The following NUDCD3 variants were observed in gnomAD, a reference collection of about 807,000 sequenced individuals.
NUDCD3 encodes the protein NudC domain containing 3.
NUDCD3 carries 13 observed loss-of-function variants against 39.7 expected under a neutral mutation model. The observed-to-expected ratio is 0.33, with a 90% CI of 0.21 to 0.52. The LOEUF is 0.52. Ranked by LOEUF, NUDCD3 falls within the 20% of genes least tolerant of loss-of-function variation. NUDCD3 has a pLI of 0.96. For missense variants in NUDCD3, 453 were observed against 458.1 expected, an observed-to-expected ratio of 0.99 and a Z score of 0.10; for synonymous variants, 175 against 172.4, an observed-to-expected ratio of 1.02 and a Z score of -0.12.
intron 2 of NUDCD3, among the ~76,000 whole-genome samples, chr7:44,450,199 A>C (rs1799768189): frequency 6.6e-6 from 1 of 150,390 alleles, no homozygotes; most frequent in African/African-American, 2.4e-5. Flanking sequence ...TTTTTTTGAC[A>C]CAGAGTCTCG....
intron 3 of NUDCD3, among the ~76,000 whole-genome samples, chr7:44,412,693 C>T (rs1798950569): frequency 6.6e-6 from 1 of 151,556 alleles, no homozygotes; most frequent in Non-Finnish European, 1.5e-5. Flanking sequence ...TTTGGGAGGC[C>T]GAGGCAGGTG....
At chr7:44,467,913 C>T (rs1451313773) in intron 2 of NUDCD3, 1 of 1,606,508 alleles carries the variant, frequency 6.2e-7, no homozygotes, top group Non-Finnish European at 8.5e-7. Flanking sequence ...GCCCTCAGAC[C>T]CCTTGTGAAG....
At chr7:44,430,542 TAAATA>T (rs1299938935) in intron 2 of NUDCD3, among the ~76,000 whole-genome samples, 12 of 148,606 alleles carry the variant, frequency 8.1e-5, no homozygotes, top group Admixed American at 2.7e-4. Context: ...TGAAAATATA[TAAATA>T]AAATACCCAC....
At chr7:44,401,554 G>A (rs1404690331) in intron 4 of NUDCD3, among the ~76,000 whole-genome samples, 2 of 152,154 alleles carry the variant, frequency 1.3e-5, no homozygotes, top group East Asian at 1.9e-4. Flanking sequence ...TTTCTCACAG[G>A]TGAAGGTGCA....
Position 44,485,227 on chromosome 7 carries a change from G to A in NUDCD3, c.250C>T (p.Leu84Phe), listed in dbSNP as rs767890675. 29 of 1,613,976 alleles carry A rather than the reference G, an allele frequency of 1.8e-5. No homozygotes were observed. Among genetic ancestry groups the A allele is most frequent in the Non-Finnish European group, 2.4e-5 (28 of 1,180,012 alleles). ...TCCTTTCTTCTGATTTTCTCTTCAAGTTCCTGCCTTCTCTTCTCATCATCC... is the reference window on the plus strand; with the variant it reads ...TCCTTTCTTCTGATTTTCTCTTCAAATTCCTGCCTTCTCTTCTCATCATCC... ...RQDDEKRRQE[L>F]EEKIRRKEEE... is the part of the protein sequence containing the mutation. The change falls in exon 2 of 6, where the codon CTT becomes TTT. Residue 84 changes from leucine (L) to phenylalanine (F), a missense_variant. Leu to Phe is a conservative substitution (Grantham distance 22). Transcript: ENST00000355451.
intron 2 of NUDCD3, among the ~76,000 whole-genome samples, chr7:44,475,594 A>G (rs1193700811): frequency 6.6e-6 from 1 of 152,016 alleles, no homozygotes; most frequent in Non-Finnish European, 1.5e-5. Context: ...TCGTCTCTAC[A>G]AAAAATTTTT....
chr7:44,384,738 C>G lies in NUDCD3; in HGVS notation c.*1273G>C, dbSNP rs1301021524. The G allele has an allele frequency of 6.6e-6, 1 of 152,246 alleles. No homozygotes were observed. The highest frequency in any genetic ancestry group is 2.4e-5 in the African/African-American group (1 of 41,430). The allele number at this position is 152,246 out of a possible 1,614,324, so 9.4% of individuals were successfully genotyped here. On this transcript the variant is annotated 3_prime_UTR_variant, in exon 6 of 6. Coordinates refer to ENST00000355451, the MANE Select transcript of NUDCD3 (RefSeq NM_015332.4). ...CCCTGCTGTGTGGCTTATCCATGCT[C>G]TGAGCTTGACAGACAGGCAAATGGA... is the stretch of plus-strand genomic sequence containing the variant.
At chr7:44,416,812 G>C (rs975238044) in intron 3 of NUDCD3, among the ~76,000 whole-genome samples, 2 of 152,186 alleles carry the variant, frequency 1.3e-5, no homozygotes, top group Non-Finnish European at 2.9e-5. Context: ...AGGTGAGAGA[G>C]AGCACTAGCT....
chr7:44,428,863 C>G (rs1799293209), intron 2 of NUDCD3, among the ~76,000 whole-genome samples: 1 of 152,160 alleles, frequency 6.6e-6, no homozygotes, highest in Non-Finnish European at 1.5e-5. Context: ...AACATTCCAA[C>G]AGTAGGTGCA....
chr7:44,430,554 C>CACACA lies in NUDCD3; in HGVS notation c.510-2852_510-2851insTGTGT, dbSNP rs759005189. On this transcript the variant is annotated intron_variant, in intron 2 of 5. Transcript: ENST00000355451. The stretch of plus-strand genomic sequence containing the variant: ...TTGTGAAAATATATAAATAAAATAC[C>CACACA]CACACACACACACACTCACACACAC... 3.8e-3 allele frequency among the ~76,000 whole-genome samples: 541 copies of CACACA among 140,848 alleles called. 3 individuals are homozygous for CACACA. The highest frequency in any genetic ancestry group is 0.013 in the African/African-American group (476 of 35,912). 92.4% of individuals were successfully genotyped at this position (140,848 alleles called of 152,430 possible).
chr7:44,406,866 G>A (rs1464025075), intron 3 of NUDCD3, among the ~76,000 whole-genome samples: 1 of 152,142 alleles, frequency 6.6e-6, no homozygotes, highest in Non-Finnish European at 1.5e-5. Context: ...AATCCTATAG[G>A]GTAGGAGACA....
Position 44,479,589 on chromosome 7 carries a change from A to C in NUDCD3, c.509+5379T>G, listed in dbSNP as rs1800446808. Among the ~76,000 whole-genome samples, 6 of 152,336 alleles carry C rather than the reference A, an allele frequency of 3.9e-5. No homozygotes were observed. In the South Asian group the frequency reaches 1.2e-3, roughly 32 times the overall value. On this transcript the variant is annotated intron_variant, in intron 2 of 5. Coordinates refer to ENST00000355451, the MANE Select transcript of NUDCD3 (RefSeq NM_015332.4). ...TTAAATTAAATAAGCATGTGATGTG[A>C]CTTTACTGTAGTATACAAAAAGGGA...
At chr7:44,484,907 A>G in intron 2 of NUDCD3, 61 bp downstream of exon 2, 2 of 1,257,870 alleles carry the variant, frequency 1.6e-6, no homozygotes, top group Non-Finnish European at 2.2e-6. Context: ...TAAATTATGG[A>G]GAAACCCAAA....
intron 2 of NUDCD3, among the ~76,000 whole-genome samples, chr7:44,439,870 G>A (rs1410850002): frequency 6.6e-6 from 1 of 151,122 alleles, no homozygotes; most frequent in Non-Finnish European, 1.5e-5. Context: ...AAACATAATT[G>A]CCAAGAGCCA....
At chr7:44,438,683 T>C (rs1799515448) in intron 2 of NUDCD3, among the ~76,000 whole-genome samples, 1 of 151,220 alleles carries the variant, frequency 6.6e-6, no homozygotes. Flanking sequence ...TGTAGACTTC[T>C]ATACACAGCT....
chr7:44,431,962 G>C lies in NUDCD3; in HGVS notation c.510-4259C>G, dbSNP rs141503983. 3.5e-4 allele frequency among the ~76,000 whole-genome samples: 54 copies of C among 152,198 alleles called. 1 individual carries two copies. The East Asian group carries it at 0.01, about 29-fold the overall frequency. Reference sequence around the variant, plus strand: ...GCTGGGATTACGTGCGTGGGCCACCGTGCCCAGCCTCCTTCCATTTGTTTT... The same window carrying C: ...GCTGGGATTACGTGCGTGGGCCACCCTGCCCAGCCTCCTTCCATTTGTTTT... On this transcript the variant is annotated intron_variant, in intron 2 of 5. Coordinates refer to ENST00000355451, the MANE Select transcript of NUDCD3 (RefSeq NM_015332.4).
At chr7:44,469,321 A>T (rs113668843) in intron 2 of NUDCD3, among the ~76,000 whole-genome samples, 1 of 152,234 alleles carries the variant, frequency 6.6e-6, no homozygotes, top group African/African-American at 2.4e-5. Flanking sequence ...TACTCATTCT[A>T]TTTTACAGAA....
In NUDCD3 at chr7:44,381,983, T is replaced by C. The variant is rs912438529; in HGVS notation, c.*4028A>G. On this transcript the variant is annotated 3_prime_UTR_variant, in exon 6 of 6. Transcript: ENST00000355451. ...CCTCTGAGGGGGAAGCAGGAAGTTG[T>C]GAGGGGTAGCCGGGCCTGACCTCTC... 2 of 152,192 alleles carry C rather than the reference T, an allele frequency of 1.3e-5. No homozygotes were observed. Among genetic ancestry groups the C allele is most frequent in the Non-Finnish European group, 2.9e-5 (2 of 68,070 alleles). 9.4% of individuals were successfully genotyped at this position (152,192 alleles called of 1,614,324 possible).
intron 2 of NUDCD3, among the ~76,000 whole-genome samples, chr7:44,451,654 G>C (rs965744815): frequency 1.7e-4 from 26 of 152,134 alleles, no homozygotes; most frequent in African/African-American, 6.3e-4. Context: ...AGCAGGAGGG[G>C]GTCCGAAGAA....
Sources: allele counts gnomAD v4.1 joint callset (sites outside exome capture counted in the v4.1 genomes callset), GRCh38; gene constraint gnomAD v4.1.1; transcripts MANE v1.5; gene names NCBI Gene and HGNC (gene_info 2026-07-23, HGNC 2026-07-21).